The following IMMP2L variants were observed in gnomAD, a reference collection of about 807,000 sequenced individuals.
IMMP2L encodes inner mitochondrial membrane peptidase subunit 2, also known as mitochondrial inner membrane protease subunit 2.
A neutral mutation model predicts 19.3 loss-of-function variants in IMMP2L; 18 were observed. That is an observed-to-expected ratio of 0.93 (90% CI 0.64 to 1.38). The LOEUF is 1.38. Among genes scored for constraint, IMMP2L ranks in the 40% most tolerant of loss-of-function variants. IMMP2L has a pLI of 0.00. For synonymous variants in IMMP2L, 76 were observed against 73.0 expected, an observed-to-expected ratio of 1.04 and a Z score of -0.21; for missense variants, 233 against 218.2, an observed-to-expected ratio of 1.07 and a Z score of -0.43.
intron 3 of IMMP2L, among the ~76,000 whole-genome samples, chr7:111,063,673 C>T (rs1794232088): frequency 6.7e-6 from 1 of 149,776 alleles, no homozygotes; most frequent in African/African-American, 2.5e-5. Flanking sequence ...AAATTTCTTC[C>T]TCCAGATACC....
At chr7:111,189,557 C>T (rs541537243) in intron 3 of IMMP2L, among the ~76,000 whole-genome samples, 1 of 151,688 alleles carries the variant, frequency 6.6e-6, no homozygotes, top group East Asian at 1.9e-4. Flanking sequence ...TAACCTAAGT[C>T]CTGAAAAAAA....
At chr7:111,533,111 G>A (rs1449334023) in intron 1 of IMMP2L, among the ~76,000 whole-genome samples, 1 of 152,106 alleles carries the variant, frequency 6.6e-6, no homozygotes, top group African/African-American at 2.4e-5. Flanking sequence ...ACAGCCAAGA[G>A]GCCAGAGTAT....
At chr7:111,165,367 A>G (rs960760888) in intron 3 of IMMP2L, among the ~76,000 whole-genome samples, 6 of 152,100 alleles carry the variant, frequency 3.9e-5, no homozygotes, top group Non-Finnish European at 7.4e-5. Flanking sequence ...GATTCTGAAT[A>G]ACATGCTATA....
chr7:111,502,883 T>G lies in IMMP2L; in HGVS notation c.136-15542A>C, dbSNP rs529497109. Among the ~76,000 whole-genome samples the G allele has an allele frequency of 3.4e-4, 50 of 149,036 alleles. No homozygotes were observed. In the South Asian group the frequency reaches 0.01, roughly 31 times the overall value. On this transcript the variant is annotated intron_variant, in intron 2 of 5. Coordinates refer to ENST00000405709, the MANE Select transcript of IMMP2L (RefSeq NM_032549.4). Reference sequence around the variant, plus strand: ...AGAGAAAGCAGGAAAGATCCAAAATTGACACCCTAACATCACAATTAAAAG... The same window carrying G: ...AGAGAAAGCAGGAAAGATCCAAAATGGACACCCTAACATCACAATTAAAAG...
chr7:111,535,842 A>G (rs1452346616), intron 1 of IMMP2L, among the ~76,000 whole-genome samples: 2 of 152,072 alleles, frequency 1.3e-5, no homozygotes, highest in Admixed American at 1.3e-4. Context: ...TGGAAGCAAA[A>G]CCATATAGAA....
At chr7:110,971,700 A>G (rs1820159151) in intron 3 of IMMP2L, among the ~76,000 whole-genome samples, 1 of 152,150 alleles carries the variant, frequency 6.6e-6, no homozygotes, top group African/African-American at 2.4e-5. Context: ...TAGGACACTT[A>G]AAATCAGCAA....
chr7:110,716,194 G>C (rs2130737635), intron 5 of IMMP2L, among the ~76,000 whole-genome samples: 1 of 152,054 alleles, frequency 6.6e-6, no homozygotes, highest in Admixed American at 6.5e-5. Flanking sequence ...GATATCCTTA[G>C]AGGTGAGATG....
intron 5 of IMMP2L, among the ~76,000 whole-genome samples, chr7:110,808,361 T>G (rs931770547): frequency 1.3e-5 from 2 of 152,078 alleles, no homozygotes; most frequent in Non-Finnish European, 2.9e-5. Context: ...TCATCCAACA[T>G]TTCAAATCTT....
At chr7:111,228,012 C>A (rs1813292586) in intron 3 of IMMP2L, among the ~76,000 whole-genome samples, 1 of 152,088 alleles carries the variant, frequency 6.6e-6, no homozygotes, top group Non-Finnish European at 1.5e-5. Flanking sequence ...GATTTCAGAA[C>A]CGATTCCATT....
chr7:111,166,592 T>A (rs1235204094), intron 3 of IMMP2L, among the ~76,000 whole-genome samples: 1 of 151,940 alleles, frequency 6.6e-6, no homozygotes, highest in Non-Finnish European at 1.5e-5. Context: ...CTGTATTAGT[T>A]TCCTAGGGCT....
chr7:111,091,550 G>C (rs1001623023), intron 3 of IMMP2L: 1 of 152,076 alleles, frequency 6.6e-6, no homozygotes, highest in African/African-American at 2.4e-5. Flanking sequence ...TCTATTTCTT[G>C]TCTCTTCGAT....
At chr7:111,015,829 G>T (rs978621349) in intron 3 of IMMP2L, among the ~76,000 whole-genome samples, 1 of 152,060 alleles carries the variant, frequency 6.6e-6, no homozygotes, top group Non-Finnish European at 1.5e-5. Flanking sequence ...ACTTTTCGAT[G>T]CTAGTGATTG....
intron 5 of IMMP2L, among the ~76,000 whole-genome samples, chr7:110,721,406 T>C (rs1421442295): frequency 6.6e-6 from 1 of 152,136 alleles, no homozygotes; most frequent in East Asian, 1.9e-4. Flanking sequence ...TTATTGCAAT[T>C]TTCCCTTGCA....
intron 3 of IMMP2L, among the ~76,000 whole-genome samples, chr7:111,020,038 T>G (rs962038117): frequency 2.0e-5 from 3 of 151,418 alleles, no homozygotes; most frequent in African/African-American, 7.3e-5. Context: ...ACATATTGAA[T>G]GTCTGCTATG....
intron 4 of IMMP2L, among the ~76,000 whole-genome samples, chr7:110,897,283 T>C (rs1811420001): frequency 6.6e-6 from 1 of 152,156 alleles, no homozygotes; most frequent in South Asian, 2.1e-4. Flanking sequence ...AGATGTTGCA[T>C]ATATAATGAA....
At chr7:111,088,011 T>C (rs1203471531) in intron 3 of IMMP2L, among the ~76,000 whole-genome samples, 6 of 152,174 alleles carry the variant, frequency 3.9e-5, no homozygotes, top group African/African-American at 1.4e-4. Flanking sequence ...ACAGAGATGA[T>C]ACTTAACATG....
At chr7:110,948,887 C>T (rs1156368480) in intron 4 of IMMP2L, among the ~76,000 whole-genome samples, 2 of 152,130 alleles carry the variant, frequency 1.3e-5, no homozygotes, top group Admixed American at 6.6e-5. Context: ...GGATGTAACA[C>T]AAATGCAATT....
chr7:110,906,742 A>C (rs563426194), intron 4 of IMMP2L, among the ~76,000 whole-genome samples: 76 of 152,210 alleles, frequency 5.0e-4, no homozygotes, highest in African/African-American at 1.8e-3. Flanking sequence ...AACCAGACTT[A>C]TCTGGTTATT....
chr7:110,968,540 A>G (rs2129556233), intron 3 of IMMP2L, among the ~76,000 whole-genome samples: 1 of 152,118 alleles, frequency 6.6e-6, no homozygotes, highest in Non-Finnish European at 1.5e-5. Flanking sequence ...AGGCATGCTG[A>G]CATGTGCCTG....
Sources: gnomAD v4.1 joint callset for allele counts (sites outside exome capture counted in the v4.1 genomes callset) on GRCh38, gnomAD v4.1.1 for gene constraint, MANE v1.5 for transcripts, NCBI Gene and HGNC (gene_info 2026-07-23, HGNC 2026-07-21) for gene names.